PIP4P2: variants seen among roughly 807,000 people sequenced by gnomAD.
The protein encoded by PIP4P2 is phosphatidylinositol-4,5-bisphosphate 4-phosphatase 2.
In PIP4P2, 19 loss-of-function variants were observed where a neutral mutation model predicts 33.3. That is an observed-to-expected ratio of 0.57 (90% CI 0.40 to 0.84). PIP4P2 has a LOEUF of 0.84. Among genes scored for constraint, PIP4P2 ranks in the 40% least tolerant of loss-of-function variants. The pLI is 0.00. For missense variants in PIP4P2, 270 were observed against 324.7 expected, an observed-to-expected ratio of 0.83 and a Z score of 1.29; for synonymous variants, 110 against 111.9, an observed-to-expected ratio of 0.98 and a Z score of 0.11.
chr8:91,015,364 G>C (rs1416488978), intron 4 of PIP4P2, among the ~76,000 whole-genome samples: 1 of 152,098 alleles, frequency 6.6e-6, no homozygotes, highest in Non-Finnish European at 1.5e-5. Flanking sequence ...GAGAGGACGA[G>C]GAGGAGACAG....
chr8:91,031,615 A>G (rs1586186508), intron 1 of PIP4P2, among the ~76,000 whole-genome samples: 1 of 152,256 alleles, frequency 6.6e-6, no homozygotes, highest in African/African-American at 2.4e-5. Flanking sequence ...AATGCTTAGA[A>G]TAAAATGCCC....
chr8:91,016,123 G>A (rs1811911405), intron 4 of PIP4P2, among the ~76,000 whole-genome samples: 1 of 152,152 alleles, frequency 6.6e-6, no homozygotes, highest in South Asian at 2.1e-4. Context: ...TCTTTGAAGA[G>A]GAACCTCTAC....
chr8:91,028,676 CG>C (rs1554583286), intron 1 of PIP4P2, among the ~76,000 whole-genome samples: 1 of 152,168 alleles, frequency 6.6e-6, no homozygotes, highest in Non-Finnish European at 1.5e-5. Context: ...TGGCAGTCCC[CG>C]GAACTGATAC....
At chr8:91,021,792 C>T (rs1052222022) in intron 1 of PIP4P2, among the ~76,000 whole-genome samples, 3 of 151,982 alleles carry the variant, frequency 2.0e-5, no homozygotes, top group African/African-American at 4.8e-5. Flanking sequence ...TAAAAATGGT[C>T]GATGAAAGCA....
At chr8:91,018,317 C>CTA (rs1353758361) in intron 4 of PIP4P2, 73 bp downstream of exon 4, 2 of 1,600,526 alleles carry the variant, frequency 1.2e-6, no homozygotes, top group Non-Finnish European at 1.7e-6. Context: ...AACTATAAGA[C>CTA]TATGAGCAGT....
At chr8:91,010,796 AT>A (rs1811825745) in intron 4 of PIP4P2, among the ~76,000 whole-genome samples, 1 of 151,754 alleles carries the variant, frequency 6.6e-6, no homozygotes, top group African/African-American at 2.4e-5. Flanking sequence ...AAAGAAAAAA[AT>A]CTTAATTATA....
intron 5 of PIP4P2, among the ~76,000 whole-genome samples, 153 bp from the exon 6 acceptor site, chr8:90,996,897 C>A (rs546614171): frequency 6.6e-6 from 1 of 152,206 alleles, no homozygotes; most frequent in Non-Finnish European, 1.5e-5. Flanking sequence ...TTAAACATGT[C>A]ATTTTTAATG....
At chr8:90,997,190 C>T (rs1256038215) in intron 5 of PIP4P2, among the ~76,000 whole-genome samples, 5 of 151,774 alleles carry the variant, frequency 3.3e-5, no homozygotes, top group Admixed American at 3.3e-4. Flanking sequence ...AAAAAATTAC[C>T]TATAATCCCA....
rs572396387 is a variant in PIP4P2 at position 91,038,140 on chromosome 8, C to T, written c.106+2504G>A. ...TGATTTTTCTTGTGCTAAAACCAAA[C>T]ACACAATACTAACTGCTCCCTGCTA... On this transcript the variant is annotated intron_variant, in intron 1 of 6. Transcript: ENST00000285419. Among the ~76,000 whole-genome samples the T allele has an allele frequency of 9.2e-5, 14 of 152,274 alleles. No individual in the cohort carries two copies. In the East Asian group the frequency reaches 2.7e-3, roughly 29 times the overall value.
intron 1 of PIP4P2, among the ~76,000 whole-genome samples, chr8:91,031,599 G>C (rs927336037): frequency 6.6e-6 from 1 of 152,126 alleles, no homozygotes; most frequent in South Asian, 2.1e-4. Flanking sequence ...ATTGCCTTTA[G>C]AAGTAAATGC....
At chr8:91,032,029 T>G (rs1323707589) in intron 1 of PIP4P2, among the ~76,000 whole-genome samples, 1 of 152,150 alleles carries the variant, frequency 6.6e-6, no homozygotes, top group Non-Finnish European at 1.5e-5. Context: ...ACTCCTTGGA[T>G]AAATGTGGGA....
intron 4 of PIP4P2, among the ~76,000 whole-genome samples, chr8:91,014,866 T>C (rs1018088755): frequency 2.6e-5 from 4 of 151,842 alleles, no homozygotes; most frequent in Non-Finnish European, 4.4e-5. Flanking sequence ...TATAGACGTA[T>C]ATCAAAACAT....
At chr8:91,011,606 T>C (rs1311879122) in intron 4 of PIP4P2, among the ~76,000 whole-genome samples, 12 of 152,088 alleles carry the variant, frequency 7.9e-5, no homozygotes, top group Non-Finnish European at 8.8e-5. Context: ...CTGTTTAATT[T>C]TTTAATCCTA....
intron 4 of PIP4P2, among the ~76,000 whole-genome samples, chr8:91,016,350 C>G (rs1269390273): frequency 6.6e-6 from 1 of 151,820 alleles, no homozygotes; most frequent in Non-Finnish European, 1.5e-5. Context: ...ACTGAATATC[C>G]AAATGATGAG....
intron 5 of PIP4P2, among the ~76,000 whole-genome samples, chr8:90,998,569 T>C (rs557617121): frequency 2.6e-5 from 4 of 152,106 alleles, no homozygotes; most frequent in African/African-American, 4.8e-5. Flanking sequence ...CACAGATCAA[T>C]TGAACGGAAT....
At chr8:91,030,444 A>C (rs1264004325) in intron 1 of PIP4P2, among the ~76,000 whole-genome samples, 1 of 152,232 alleles carries the variant, frequency 6.6e-6, no homozygotes, top group Non-Finnish European at 1.5e-5. Context: ...ACAGCCTAAA[A>C]AAATGGCTTT....
In PIP4P2 at chr8:90,995,783, G is replaced by A. The variant is rs748605922; in HGVS notation, c.668C>T (p.Thr223Ile). Residue 223 changes from threonine (T) to isoleucine (I), a missense_variant, in exon 7 of 7, where the codon ACC becomes ATC. Coordinates refer to ENST00000285419, the MANE Select transcript of PIP4P2 (RefSeq NM_018710.3). ...TPDFARRFRA[T>I]YVSWAIAYLL... ...ATAAGCAATTGCCCAAGAAACATAG[G>A]TTGCTCGAAATCGCCTTGCAAAATC... The A allele has an allele frequency of 6.2e-7, 1 of 1,610,350 alleles. No homozygotes were observed. Among genetic ancestry groups the A allele is most frequent in the Admixed American group, 1.7e-5 (1 of 59,260 alleles).
At chr8:91,013,388 A>G (rs1470237769) in intron 4 of PIP4P2, among the ~76,000 whole-genome samples, 2 of 152,232 alleles carry the variant, frequency 1.3e-5, no homozygotes, top group East Asian at 3.8e-4. Context: ...TCTATATTGA[A>G]GATTTTAAAA....
chr8:91,034,558 G>A (rs906172197), intron 1 of PIP4P2, among the ~76,000 whole-genome samples: 1 of 152,142 alleles, frequency 6.6e-6, no homozygotes, highest in Non-Finnish European at 1.5e-5. Context: ...AGCACAATAG[G>A]CTTCTCATAT....
Sources: gnomAD v4.1 joint callset for allele counts (sites outside exome capture counted in the v4.1 genomes callset) on GRCh38, gnomAD v4.1.1 for gene constraint, MANE v1.5 for transcripts, NCBI Gene and HGNC (gene_info 2026-07-23, HGNC 2026-07-21) for gene names.